The following LINGO2 variants were observed in gnomAD, a reference collection of about 807,000 sequenced individuals.
LINGO2 encodes the protein leucine-rich repeat and immunoglobulin-like domain-containing nogo receptor-interacting protein 2.
In LINGO2, 14 loss-of-function variants were observed where a neutral mutation model predicts 30.6. The observed-to-expected ratio is 0.46, with a 90% confidence interval of 0.30 to 0.72. LINGO2 has a LOEUF of 0.72. Among genes scored for constraint, LINGO2 ranks in the 30% least tolerant of loss-of-function variants. The pLI, the probability that LINGO2 is intolerant of heterozygous loss-of-function variation, is 0.07. For missense variants in LINGO2, 729 were observed against 751.7 expected, an observed-to-expected ratio of 0.97 and a Z score of 0.35; for synonymous variants, 317 against 288.5, an observed-to-expected ratio of 1.10 and a Z score of -1.00.
intron 1 of LINGO2, among the ~76,000 whole-genome samples, chr9:28,667,919 T>C (rs1262250728): frequency 6.6e-6 from 1 of 152,206 alleles, no homozygotes; most frequent in Non-Finnish European, 1.5e-5. Context: ...GCTTGTTCAA[T>C]GTGCCTGTAT....
chr9:28,759,592 G>A, the LINGO2 span, among the ~76,000 whole-genome samples: 1 of 151,814 alleles, frequency 6.6e-6, no homozygotes, highest in Non-Finnish European at 1.5e-5. Context: ...TGAGGCAGGA[G>A]AATGGCGTGA....
chr9:28,772,328 G>C, the LINGO2 span, among the ~76,000 whole-genome samples: 1 of 152,280 alleles, frequency 6.6e-6, no homozygotes, highest in African/African-American at 2.4e-5. Context: ...GAGGCACTGT[G>C]CAGTTCTTTG....
intron 3 of LINGO2, among the ~76,000 whole-genome samples, chr9:28,340,340 C>T (rs1021173490): frequency 7.9e-5 from 12 of 152,018 alleles, no homozygotes; most frequent in African/African-American, 2.9e-4. Context: ...TGATTTGATG[C>T]TTTTACAACA....
intron 2 of LINGO2, among the ~76,000 whole-genome samples, chr9:28,439,228 A>T (rs10968602): frequency 0.13 from 20,054 of 150,742 alleles, 1,445 homozygotes; most frequent in South Asian, 0.24. Flanking sequence ...GAGATAATAT[A>T]TATTCATACT....
chr9:28,484,371 T>C (rs1192437194), intron 1 of LINGO2, among the ~76,000 whole-genome samples: 2 of 152,076 alleles, frequency 1.3e-5, no homozygotes, highest in Admixed American at 1.3e-4. Flanking sequence ...GTACCTGTCA[T>C]ACATCCGTCC....
At chr9:28,293,085 T>A (rs2134175486) in intron 4 of LINGO2, among the ~76,000 whole-genome samples, 2 of 152,044 alleles carry the variant, frequency 1.3e-5, no homozygotes, top group East Asian at 1.9e-4. Flanking sequence ...CCTGATTTTT[T>A]AAAAATTATT....
chr9:29,036,489 T>A, the LINGO2 span, among the ~76,000 whole-genome samples: 2 of 152,044 alleles, frequency 1.3e-5, no homozygotes, highest in Non-Finnish European at 2.9e-5. Flanking sequence ...GAATTTTAGA[T>A]GACATTTTTT....
intron 1 of LINGO2, among the ~76,000 whole-genome samples, chr9:28,666,053 G>A (rs946377687): frequency 1.3e-4 from 20 of 151,746 alleles, no homozygotes; most frequent in African/African-American, 4.4e-4. Flanking sequence ...CACGACACCC[G>A]GCTAATTTTT....
intron 2 of LINGO2, among the ~76,000 whole-genome samples, chr9:28,402,928 T>A (rs1209139290): frequency 6.6e-6 from 1 of 152,132 alleles, no homozygotes; most frequent in Non-Finnish European, 1.5e-5. Context: ...CAAAATCACA[T>A]CGGGTCTCTA....
intron 4 of LINGO2, among the ~76,000 whole-genome samples, chr9:28,218,145 T>C (rs1196355997): frequency 6.7e-6 from 1 of 148,454 alleles, no homozygotes; most frequent in Non-Finnish European, 1.5e-5. Context: ...ATAATTCTAA[T>C]ATAACATTAT....
At chr9:29,048,402 C>T in the LINGO2 span, among the ~76,000 whole-genome samples, 1 of 151,786 alleles carries the variant, frequency 6.6e-6, no homozygotes, top group Non-Finnish European at 1.5e-5. Flanking sequence ...CTATCCAAAG[C>T]AATCTACAGC....
At chr9:28,549,912 C>A (rs946365412) in intron 1 of LINGO2, among the ~76,000 whole-genome samples, 1 of 151,658 alleles carries the variant, frequency 6.6e-6, no homozygotes, top group African/African-American at 2.4e-5. Flanking sequence ...GGACATAAAA[C>A]TAAAAATTGA....
chr9:28,999,614 T>A, the LINGO2 span, among the ~76,000 whole-genome samples: 1 of 152,164 alleles, frequency 6.6e-6, no homozygotes, highest in East Asian at 1.9e-4. Flanking sequence ...CTAGGATTGC[T>A]TATCTGGTAA....
the LINGO2 span, among the ~76,000 whole-genome samples, chr9:28,686,048 G>C: frequency 6.6e-6 from 1 of 151,690 alleles, no homozygotes; most frequent in Non-Finnish European, 1.5e-5. Flanking sequence ...CATTCTAGCA[G>C]TATACATTGG....
At chr9:28,270,447 C>T (rs1173214382) in intron 4 of LINGO2, among the ~76,000 whole-genome samples, 1 of 152,046 alleles carries the variant, frequency 6.6e-6, no homozygotes, top group Non-Finnish European at 1.5e-5. Context: ...GAGAGCTATA[C>T]TGTCTTCCCA....
chr9:29,022,629 C>A, the LINGO2 span, among the ~76,000 whole-genome samples: 1 of 152,298 alleles, frequency 6.6e-6, no homozygotes, highest in African/African-American at 2.4e-5. Context: ...TTTCACATTT[C>A]ATTTCCTGGT....
the LINGO2 span, among the ~76,000 whole-genome samples, chr9:29,089,683 A>C: frequency 6.6e-6 from 1 of 152,098 alleles, no homozygotes; most frequent in African/African-American, 2.4e-5. Context: ...TAGGAAATAT[A>C]ATTTGGTTCC....
At chr9:29,101,618 T>A in the LINGO2 span, among the ~76,000 whole-genome samples, 1 of 152,120 alleles carries the variant, frequency 6.6e-6, no homozygotes, top group Non-Finnish European at 1.5e-5. Flanking sequence ...ATCCACGAGT[T>A]CAACTGTTTT....
At chr9:27,953,228 G>C (rs10812705) in intron 5 of LINGO2, among the ~76,000 whole-genome samples, 84,034 of 151,896 alleles carry the variant, frequency 0.55, 24,685 homozygotes, top group East Asian at 0.81. Context: ...AATTGATATA[G>C]TAGATTTAAA....
Sources: allele counts gnomAD v4.1 joint callset (sites outside exome capture counted in the v4.1 genomes callset), GRCh38; gene constraint gnomAD v4.1.1; transcripts MANE v1.5; gene names NCBI Gene and HGNC (gene_info 2026-07-23, HGNC 2026-07-21).